IQCH: variants seen among roughly 807,000 people sequenced by gnomAD.
IQCH encodes the protein IQ domain-containing protein H.
A neutral mutation model predicts 117.0 loss-of-function variants in IQCH; 98 were observed. That is an observed-to-expected ratio of 0.84 (90% CI 0.71 to 0.99). The LOEUF is 0.99. Ranked by LOEUF, IQCH falls within the 50% of genes least tolerant of loss-of-function variation. The probability of loss-of-function intolerance (pLI) is 0.00; values close to 1 mark genes in which losing one functional copy is unlikely to be tolerated. For missense variants in IQCH, 1,102 were observed against 1,243.8 expected (o/e 0.89, Z 1.72); for synonymous variants, 412 against 448.2 (o/e 0.92, Z 1.02).
intron 16 of IQCH, among the ~76,000 whole-genome samples, chr15:67,421,905 C>T (rs1166495318): frequency 6.6e-6 from 1 of 152,116 alleles, no homozygotes; most frequent in African/African-American, 2.4e-5. Context: ...TCAAGAGCAG[C>T]GTAGGCAACA....
chr15:67,420,745 A>G (rs1854135316), intron 15 of IQCH, among the ~76,000 whole-genome samples: 2 of 152,246 alleles, frequency 1.3e-5, no homozygotes, highest in African/African-American at 4.8e-5. Context: ...ACACGGCAAT[A>G]TCTCTTGGTT....
chr15:67,308,126 G>A (rs571039872), intron 4 of IQCH, among the ~76,000 whole-genome samples: 13 of 152,258 alleles, frequency 8.5e-5, no homozygotes, highest in East Asian at 1.9e-4. Context: ...TGCATATTCC[G>A]CCTGCTGTAA....
At chr15:67,455,307 C>T (rs1246033842) in intron 16 of IQCH, among the ~76,000 whole-genome samples, 12 of 152,156 alleles carry the variant, frequency 7.9e-5, no homozygotes, top group Admixed American at 7.9e-4. Context: ...AGTAAACAAA[C>T]TTGCCTTGAA....
intron 4 of IQCH, among the ~76,000 whole-genome samples, chr15:67,287,851 C>CT (rs1966619057): frequency 6.6e-6 from 1 of 151,760 alleles, no homozygotes; most frequent in East Asian, 1.9e-4. Context: ...TGAAGCTTTC[C>CT]TTTTTTTGGA....
rs71455553 is a variant in IQCH at position 67,477,044 on chromosome 15, CTTTTTTTTTTTTTT to C, written c.2799+1238_2799+1251del. ...TTATACATTCTATTTTCTTTTTCTT[CTTTTTTTTTTTTTT>C]TTTTTTTTTTTGAGACAGAGTCTCA... On this transcript the variant is annotated intron_variant, in intron 18 of 20. Transcript: ENST00000335894. Among the ~76,000 whole-genome samples the C allele has an allele frequency of 4.2e-4, 30 of 71,150 alleles. No individual in the cohort carries two copies. In the Middle Eastern group the frequency reaches 0.092, roughly 218 times the overall value. 46.7% of individuals were successfully genotyped at this position (71,150 alleles called of 152,430 possible). A position where few individuals can be genotyped will look rare whatever the true frequency, so the allele number is the denominator to read the frequency against.
intron 17 of IQCH, among the ~76,000 whole-genome samples, chr15:67,470,470 G>A (rs1211678768): frequency 2.0e-5 from 3 of 152,138 alleles, no homozygotes; most frequent in South Asian, 2.1e-4. Context: ...GAGCCACTGC[G>A]CCTGGCTGGA....
At chr15:67,434,502 G>A (rs997016317) in intron 16 of IQCH, among the ~76,000 whole-genome samples, 9 of 152,050 alleles carry the variant, frequency 5.9e-5, no homozygotes, top group Non-Finnish European at 1.0e-4. Flanking sequence ...CCTTTCATCT[G>A]TCATCAACTG....
rs920856581 is a variant in IQCH, at chr15:67,453,662, C to T, written c.2506-11465C>T. Among the ~76,000 whole-genome samples, 1 of 152,202 alleles carries T rather than the reference C, an allele frequency of 6.6e-6. No individual in the cohort carries two copies. The highest frequency in any genetic ancestry group is 2.4e-5 in the African/African-American group (1 of 41,466). The stretch of plus-strand genomic sequence containing the variant: ...TGGGGGGTGCCTCCCAGTTAGGCTA[C>T]TCAGGGGTCAGGGACCCACTTGAGG... On this transcript the variant is annotated intron_variant, in intron 16 of 20. Transcript: ENST00000335894. This position sits in a 1 kb window ranked among gnomAD's most constrained non-coding sequence, Gnocchi z 5.8.
Position 67,359,753 on chromosome 15 carries a change from G to A in IQCH, c.715-94G>A. The stretch of plus-strand genomic sequence containing the variant: ...ACAGGCTGGCCCAGCGGGTAAAATG[G>A]GGAAGGGGGTGAGGCTCTGAGCCTT... On this transcript the variant is annotated intron_variant, in intron 7 of 20. Transcript: ENST00000335894. This position sits in a 1 kb window ranked among gnomAD's most constrained non-coding sequence, Gnocchi z 4.5. 1 of 1,088,514 alleles carries A rather than the reference G, an allele frequency of 9.2e-7. No individual in the cohort carries two copies. Among genetic ancestry groups the A allele is most frequent in the Admixed American group, 1.7e-5 (1 of 58,144 alleles). 67.4% of individuals were successfully genotyped at this position (1,088,514 alleles called of 1,614,324 possible).
rs1173773327 is a variant in IQCH at position 67,496,915 on chromosome 15, G to A, written c.2970+2549G>A. On this transcript the variant is annotated intron_variant, in intron 20 of 20. Transcript: ENST00000335894. The surrounding 1 kb of genome is among the most constrained non-coding windows in gnomAD (Gnocchi z 4.4). ...CGCCTGTAGTCCCAGCTACTCGGGA[G>A]GCTGAGGCAGGAGAATGGCGTGAAC... Among the ~76,000 whole-genome samples the A allele has an allele frequency of 6.6e-6, 1 of 150,578 alleles. No individual in the cohort carries two copies. The highest frequency in any genetic ancestry group is 2.4e-5 in the African/African-American group (1 of 40,976).
intron 16 of IQCH, among the ~76,000 whole-genome samples, chr15:67,448,157 C>G (rs369957731): frequency 2.0e-4 from 29 of 147,684 alleles, no homozygotes; most frequent in Non-Finnish European, 3.9e-4. Context: ...CTAAGTGACT[C>G]TGTGTGTGTG....
chr15:67,290,258 A>T (rs1966706552), intron 4 of IQCH, among the ~76,000 whole-genome samples: 2 of 152,092 alleles, frequency 1.3e-5, no homozygotes, highest in South Asian at 4.1e-4. Flanking sequence ...CCAGCTCTCC[A>T]TAGCTTTGAA....
chr15:67,469,052 C>T (rs903139771), intron 17 of IQCH, among the ~76,000 whole-genome samples: 3 of 152,136 alleles, frequency 2.0e-5, no homozygotes, highest in African/African-American at 7.2e-5. Flanking sequence ...CTTTATTTAG[C>T]TTGAAGCATT....
At chr15:67,299,671 A>T (rs1401432541) in intron 4 of IQCH, among the ~76,000 whole-genome samples, 1 of 152,062 alleles carries the variant, frequency 6.6e-6, no homozygotes, top group Non-Finnish European at 1.5e-5. Flanking sequence ...CACAGTCTGG[A>T]TTTATCTGAT....
intron 4 of IQCH, among the ~76,000 whole-genome samples, chr15:67,336,035 A>C (rs1357884231): frequency 6.6e-6 from 1 of 152,062 alleles, no homozygotes; most frequent in African/African-American, 2.4e-5. Flanking sequence ...GTCCAATGGC[A>C]AATTTTACCA....
chr15:67,316,756 A>C (rs552645838), intron 4 of IQCH, among the ~76,000 whole-genome samples: 7 of 152,322 alleles, frequency 4.6e-5, no homozygotes, highest in African/African-American at 1.7e-4. Context: ...ACCCAAAGTC[A>C]TACAAGCTAA....
Position 67,432,572 on chromosome 15 carries a change from A to G in IQCH, c.2505+10995A>G, listed in dbSNP as rs1247918692. Reference sequence around the variant, plus strand: ...GCAGATATAAGGTGATGTTCTTATTAAATCAAATGGCATAACCACATGTAA... The same window carrying G: ...GCAGATATAAGGTGATGTTCTTATTGAATCAAATGGCATAACCACATGTAA... On this transcript the variant is annotated intron_variant, in intron 16 of 20. Transcript: ENST00000335894. This position sits in a 1 kb window ranked among gnomAD's most constrained non-coding sequence, Gnocchi z 5.0. Among the ~76,000 whole-genome samples, 1 of 152,206 alleles carries G rather than the reference A, an allele frequency of 6.6e-6. No homozygotes were observed. Among genetic ancestry groups the G allele is most frequent in the Non-Finnish European group, 1.5e-5 (1 of 68,036 alleles).
At position 67,261,505 on chromosome 15, in the gene IQCH, T is replaced by A. The variant is rs558526219; in HGVS notation, c.174+111T>A. On this transcript the variant is annotated intron_variant, in intron 2 of 20. Transcript: ENST00000335894. ...CATAATTCTGTAACAAAGCTGAATT[T>A]AGGGCAGTCGTCAGCATTCTTGTTT... 4.7e-6 allele frequency: 4 copies of A among 850,466 alleles called. No homozygotes were observed. The African/African-American group carries it at 7.2e-5, about 15-fold the overall frequency. The allele number at this position is 850,466 out of a possible 1,614,324, so 52.7% of individuals were successfully genotyped here. A position where few individuals can be genotyped will look rare whatever the true frequency, so the allele number is the denominator to read the frequency against.
At chr15:67,363,813 T>A (rs1339364064) in intron 8 of IQCH, among the ~76,000 whole-genome samples, 1 of 152,222 alleles carries the variant, frequency 6.6e-6, no homozygotes, top group Non-Finnish European at 1.5e-5. Context: ...AGTATTTGGT[T>A]TTCTGTTCCT....
Sources: gnomAD v4.1 joint callset for allele counts (sites outside exome capture counted in the v4.1 genomes callset) on GRCh38, gnomAD v4.1.1 for gene constraint, Gnocchi (gnomAD v3.1) non-coding constraint, MANE v1.5 for transcripts, NCBI Gene and HGNC (gene_info 2026-07-23, HGNC 2026-07-21) for gene names.